The following NPHP4 variants were observed in gnomAD, a reference collection of about 807,000 sequenced individuals.
NPHP4 encodes nephrocystin-4.
Under a neutral mutation model 155.8 loss-of-function variants are expected in NPHP4, and 151 were observed. That is an observed-to-expected ratio of 0.97 (90% CI 0.85 to 1.11). NPHP4 has a LOEUF of 1.11. Ranked by LOEUF, NPHP4 falls within the 50% of genes least tolerant of loss-of-function variation. The pLI is 0.00. For missense variants in NPHP4, 1,956 were observed against 1,925.7 expected (o/e 1.02, Z -0.29); for synonymous variants, 845 against 816.8 (o/e 1.03, Z -0.59).
At position 5,938,692 on chromosome 1, in the gene NPHP4, G is replaced by A. The variant is rs377317790; in HGVS notation, c.1120-5363C>T. Among the ~76,000 whole-genome samples the A allele has an allele frequency of 4.0e-4, 61 of 152,360 alleles. 1 individual carries two copies. The highest frequency in any genetic ancestry group is 1.4e-3 in the African/African-American group (57 of 41,590). On this transcript the variant is annotated intron_variant, in intron 9 of 29. Coordinates refer to ENST00000378156, the MANE Select transcript of NPHP4 (RefSeq NM_015102.5). ...AAAAACAAAGCGCAGCTGGCTGCCA[G>A]CACTCATTTAATTTTACATAAACGT...
At chr1:5,894,759 A>C (rs1276502958) in intron 16 of NPHP4, among the ~76,000 whole-genome samples, 1 of 152,224 alleles carries the variant, frequency 6.6e-6, no homozygotes, top group Non-Finnish European at 1.5e-5. Context: ...AGATAAACAC[A>C]AAATTTAATC....
intron 5 of NPHP4, among the ~76,000 whole-genome samples, chr1:5,964,993 G>T (rs1338194455): frequency 7.5e-6 from 1 of 133,628 alleles, no homozygotes; most frequent in East Asian, 2.2e-4. Context: ...GAGTGCAGTG[G>T]TGCAATCATG....
At chr1:5,935,516 T>C (rs1159248802) in intron 9 of NPHP4, among the ~76,000 whole-genome samples, 1 of 152,250 alleles carries the variant, frequency 6.6e-6, no homozygotes, top group Non-Finnish European at 1.5e-5. Context: ...CAACAGATTA[T>C]AAAACAGTGC....
Position 5,944,658 on chromosome 1 carries a change from C to A in NPHP4, c.1119+2446G>T, listed in dbSNP as rs1646992815. ...GGAATCCAGTATTCCCAGTTACAAT[C>A]GACCAGCACATCGGAAAGTACCAAT... On this transcript the variant is annotated intron_variant, in intron 9 of 29. Transcript: ENST00000378156. The surrounding 1 kb of genome is among the most constrained non-coding windows in gnomAD (Gnocchi z 4.3). Among the ~76,000 whole-genome samples the A allele has an allele frequency of 6.6e-6, 1 of 152,198 alleles. No homozygotes were observed. Among genetic ancestry groups the A allele is most frequent in the Non-Finnish European group, 1.5e-5 (1 of 68,034 alleles).
In NPHP4 at chr1:5,867,819, G is replaced by T. The variant is rs2100468544; in HGVS notation, c.3393C>A (p.Asp1131Glu). The T allele has an allele frequency of 6.2e-7, 1 of 1,613,574 alleles. No individual in the cohort carries two copies. Among genetic ancestry groups the T allele is most frequent in the African/African-American group, 1.3e-5 (1 of 75,028 alleles). ...LTVELQPHVV[D>E]QVFRFYHPEL... ...CCGGGTGATAGAAGCGGAAGACCTG[G>T]TCCACCACGTGGGGCTGCAGCTCCA... Residue 1131 changes from aspartate (D) to glutamate (E), a missense_variant, in exon 24 of 30, where the codon GAC becomes GAA. Transcript: ENST00000378156. This position sits in a 1 kb window ranked among gnomAD's most constrained non-coding sequence, Gnocchi z 4.1.
At chr1:5,921,727 AG>A (rs1645750063) in intron 11 of NPHP4, among the ~76,000 whole-genome samples, 1 of 152,156 alleles carries the variant, frequency 6.6e-6, no homozygotes, top group Admixed American at 6.5e-5. Flanking sequence ...ATTGATTTGG[AG>A]GACTTCTTTC....
In NPHP4 at chr1:5,947,143, C is replaced by T; in HGVS notation, c.1080G>A (p.Leu360=). 5 of 1,614,016 alleles carry T rather than the reference C, an allele frequency of 3.1e-6. No homozygotes were observed. Among genetic ancestry groups the T allele is most frequent in the Non-Finnish European group, 4.2e-6 (5 of 1,179,890 alleles). ...CTGCAGGGCTGCTGAACACGTACTC[C>T]AGCTGGAAGATGACCGCAAATGCAG... ...GHPAFAVIFQ[L]EYVFSSPAGV... The change falls in exon 9 of 30, where the codon CTG becomes CTA. Residue 360 remains leucine (L), a synonymous_variant. Transcript: ENST00000378156.
intron 18 of NPHP4, chr1:5,881,272 C>A (rs749474348): frequency 6.6e-6 from 1 of 152,266 alleles, no homozygotes; most frequent in Non-Finnish European, 1.5e-5. Flanking sequence ...CGTGCAGGCA[C>A]CTGTGGAGGT....
At chr1:5,936,391 A>C (rs1646540670) in intron 9 of NPHP4, among the ~76,000 whole-genome samples, 1 of 152,206 alleles carries the variant, frequency 6.6e-6, no homozygotes, top group African/African-American at 2.4e-5. Flanking sequence ...AGAGAAGGCC[A>C]AGCACAAGCA....
rs1452102170 is a variant in NPHP4, at chr1:5,905,796, A to T, written c.1612-13T>A. 6.3e-7 allele frequency: 1 copy of T among 1,593,696 alleles called. No homozygotes were observed. ...ACGGGAACTCCTGCTGAACAAAACG[A>T]GGGCTTCCAAGTGAGGCCACCAAGG... On this transcript the variant is annotated splice_polypyrimidine_tract_variant and intron_variant, in intron 13 of 29. Transcript: ENST00000378156. The surrounding 1 kb of genome is among the most constrained non-coding windows in gnomAD (Gnocchi z 4.0).
rs1423131004 is a variant in NPHP4, at chr1:5,882,275, C to T, written c.2486-2036G>A. 1.6e-5 allele frequency: 2 copies of T among 125,876 alleles called. No homozygotes were observed. The highest frequency in any genetic ancestry group is 3.5e-5 in the Non-Finnish European group (2 of 57,468). The allele number at this position is 125,876 out of a possible 1,614,324, so 7.8% of individuals were successfully genotyped here. On this transcript the variant is annotated intron_variant, in intron 18 of 29. Transcript: ENST00000378156. This position sits in a 1 kb window ranked among gnomAD's most constrained non-coding sequence, Gnocchi z 5.1. Reference sequence around the variant, plus strand: ...TACCCAGCCATCTCTCAGTGGCGCGCTTACCCAGCCATCTCTCAGTGGCGC... The same window carrying T: ...TACCCAGCCATCTCTCAGTGGCGCGTTTACCCAGCCATCTCTCAGTGGCGC...
intron 9 of NPHP4, among the ~76,000 whole-genome samples, chr1:5,945,811 C>T (rs577772597): frequency 6.6e-6 from 1 of 152,192 alleles, no homozygotes; most frequent in African/African-American, 2.4e-5. Context: ...CAACCTTGGT[C>T]TGAAAATATT....
rs561953997 is a variant in NPHP4, at chr1:5,889,946, G to A, written c.2304+922C>T. On this transcript the variant is annotated intron_variant, in intron 17 of 29. Transcript: ENST00000378156. The surrounding 1 kb of genome is among the most constrained non-coding windows in gnomAD (Gnocchi z 4.2). ...AGCAGGGATGGAGCCTGGATCAGTC[G>A]GTCACACGGGGAGCCAAGAGCAGAC... Among the ~76,000 whole-genome samples the A allele has an allele frequency of 1.4e-4, 22 of 152,316 alleles. No homozygotes were observed. The highest frequency in any genetic ancestry group is 4.1e-4 in the South Asian group (2 of 4,824).
At chr1:5,895,894 T>C (rs545862605) in intron 16 of NPHP4, among the ~76,000 whole-genome samples, 3 of 152,014 alleles carry the variant, frequency 2.0e-5, no homozygotes, top group African/African-American at 7.2e-5. Flanking sequence ...CCACAGAGCA[T>C]GACGCAGCTA....
intron 16 of NPHP4, among the ~76,000 whole-genome samples, chr1:5,903,733 G>C (rs1644782163): frequency 1.3e-5 from 2 of 152,156 alleles, no homozygotes; most frequent in South Asian, 4.1e-4. Flanking sequence ...GCACCTCAAG[G>C]TAAGCAAAAA....
chr1:5,903,744 G>A (rs530344277), intron 16 of NPHP4, among the ~76,000 whole-genome samples: 3 of 152,316 alleles, frequency 2.0e-5, no homozygotes, highest in African/African-American at 4.8e-5. Flanking sequence ...TAAGCAAAAA[G>A]TTGATGCCAG....
Position 5,904,650 on chromosome 1 carries a change from C to A in NPHP4, c.2110G>T (p.Val704Leu), listed in dbSNP as rs753145756. 6.2e-7 allele frequency: 1 copy of A among 1,612,764 alleles called. No individual in the cohort carries two copies. The highest frequency in any genetic ancestry group is 2.2e-5 in the East Asian group (1 of 44,868). The change falls in exon 16 of 30, where the codon GTG becomes TTG. Residue 704 changes from valine to leucine, a missense_variant. By Grantham distance (32) the Val-to-Leu change is conservative. Coordinates refer to ENST00000378156, the MANE Select transcript of NPHP4 (RefSeq NM_015102.5). ...PSSGALTHILVPVSRDGTFDA... is the reference protein window; with the variant it reads ...PSSGALTHILLPVSRDGTFDA... Reference sequence around the variant, plus strand: ...AAGGTGCCATCTCTGCTCACAGGCACGAGGATGTGGGTCAGGGCGCCAGAG... The same window carrying A: ...AAGGTGCCATCTCTGCTCACAGGCAAGAGGATGTGGGTCAGGGCGCCAGAG...
At chr1:5,880,610 G>A (rs1643183592) in intron 18 of NPHP4, 1 of 288,606 alleles carries the variant, frequency 3.5e-6, no homozygotes, top group Non-Finnish European at 6.8e-6. Flanking sequence ...ATTGATCAAG[G>A]ATAGGCCTGT....
intron 5 of NPHP4, among the ~76,000 whole-genome samples, chr1:5,965,395 G>A (rs1651297771): frequency 6.6e-6 from 1 of 152,162 alleles, no homozygotes; most frequent in Admixed American, 6.5e-5. Context: ...TGGACATGTG[G>A]ACTGTGGACG....
Sources: allele counts gnomAD v4.1 joint callset (sites outside exome capture counted in the v4.1 genomes callset), GRCh38; gene constraint gnomAD v4.1.1; non-coding constraint Gnocchi (gnomAD v3.1); transcripts MANE v1.5; gene names NCBI Gene and HGNC (gene_info 2026-07-23, HGNC 2026-07-21).